CLTCL1: variants seen among roughly 807,000 people sequenced by gnomAD.
CLTCL1 encodes the protein clathrin heavy chain like 1, also known as clathrin heavy chain 2.
In CLTCL1, 159 loss-of-function variants were observed where a neutral mutation model predicts 190.0. The ratio of observed to expected loss-of-function variants is 0.84; its 90% confidence interval spans 0.74 to 0.95. The LOEUF (loss-of-function observed/expected upper bound fraction) is 0.95, where lower values mean the gene tolerates loss of function less well. Ranked by LOEUF, CLTCL1 falls within the 40% of genes least tolerant of loss-of-function variation. CLTCL1 has a pLI of 0.00. For missense variants in CLTCL1, 1,878 were observed against 2,033.4 expected (o/e 0.92, Z 1.47); for synonymous variants, 752 against 769.6 (o/e 0.98, Z 0.38).
intron 22 of CLTCL1, among the ~76,000 whole-genome samples, chr22:19,202,196 T>G (rs2854643): frequency 6.6e-6 from 1 of 151,822 alleles, no homozygotes; most frequent in Non-Finnish European, 1.5e-5. Flanking sequence ...TGGCATTCAC[T>G]CTTGACTCTC....
intron 22 of CLTCL1, among the ~76,000 whole-genome samples, chr22:19,202,053 A>G (rs1288083161): frequency 6.6e-6 from 1 of 152,016 alleles, no homozygotes; most frequent in Non-Finnish European, 1.5e-5. Flanking sequence ...TACTCTGCCT[A>G]GCACTGCCCA....
At chr22:19,187,531 G>C (rs1228706585) in intron 29 of CLTCL1, 27 bp downstream of exon 29, 2 of 1,594,932 alleles carry the variant, frequency 1.3e-6, no homozygotes, top group African/African-American at 2.7e-5. Flanking sequence ...GCAGGAAGGT[G>C]GGAGGAAACG....
intron 2 of CLTCL1, among the ~76,000 whole-genome samples, chr22:19,269,471 A>G (rs1260933327): frequency 1.3e-5 from 2 of 152,244 alleles, no homozygotes; most frequent in African/African-American, 4.8e-5. Context: ...AAATGAAAAT[A>G]TATGTCCACA....
chr22:19,222,912 T>A, intron 14 of CLTCL1, 103 bp from the exon 15 acceptor site: 3 of 1,396,894 alleles, frequency 2.1e-6, no homozygotes, highest in Non-Finnish European at 2.9e-6. Flanking sequence ...TGCAGCAGAG[T>A]GACACACAGG....
At chr22:19,244,790 T>C (rs1007034463) in intron 3 of CLTCL1, among the ~76,000 whole-genome samples, 1 of 152,226 alleles carries the variant, frequency 6.6e-6, no homozygotes, top group Admixed American at 6.5e-5. Flanking sequence ...GAGTGTTAAG[T>C]GTGTCAAATT....
intron 11 of CLTCL1, 25 bp downstream of exon 11, chr22:19,229,813 C>T (rs782372136): frequency 7.0e-6 from 11 of 1,576,666 alleles, no homozygotes; most frequent in African/African-American, 6.9e-5. Context: ...CTCTGCCTCT[C>T]GGTGTTAGCC....
chr22:19,235,982 T>G, intron 5 of CLTCL1, 113 bp from the exon 6 acceptor site: 19 of 950,998 alleles, frequency 2.0e-5, no homozygotes, highest in Non-Finnish European at 2.6e-5. Flanking sequence ...TTTTTTGAGA[T>G]AGGGTCGTGC....
intron 1 of CLTCL1, among the ~76,000 whole-genome samples, chr22:19,282,222 G>A (rs528183535): frequency 2.6e-5 from 4 of 151,208 alleles, no homozygotes; most frequent in East Asian, 2.0e-4. Flanking sequence ...TCAGCTACTC[G>A]GGAGGCTGAG....
At position 19,225,541 on chromosome 22, in the gene CLTCL1, C is replaced by T. The variant is rs1555955358; in HGVS notation, c.2040G>A (p.Gln680=). The T allele has an allele frequency of 1.1e-5, 18 of 1,587,862 alleles. No homozygotes were observed. The highest frequency in any genetic ancestry group is 7.1e-5 in the Admixed American group (4 of 56,176). The part of the protein sequence containing the change: ...MLSANIRQNL[Q]LCVQVASKYH... ...ACTTAGAGGCCACCTGCACACACAG[C>T]TGAAGGTTCTGTCTGATGTTAGCAG... Residue 680 remains glutamine, a synonymous_variant, in exon 13 of 33, where the codon CAG becomes CAA. Transcript: ENST00000427926.
At chr22:19,234,457 A>C in intron 7 of CLTCL1, 52 bp downstream of exon 7, 5 of 1,438,772 alleles carry the variant, frequency 3.5e-6, no homozygotes, top group Non-Finnish European at 4.7e-6. Context: ...TTTTCCTCTC[A>C]AGGTTGGTTC....
At position 19,273,996 on chromosome 22, in the gene CLTCL1, T is replaced by TCCACA. The variant is rs2087411988; in HGVS notation, c.250+1622_250+1626dup. ...TATTGCGTTCTCTTTACTCCCCGAC[T>TCCACA]CCACACCACAACACACACACACACA... On this transcript the variant is annotated intron_variant, in intron 2 of 32. Transcript: ENST00000427926. Among the ~76,000 whole-genome samples, 3 of 151,832 alleles carry TCCACA rather than the reference T, an allele frequency of 2.0e-5. No homozygotes were observed. The South Asian group carries it at 6.3e-4, about 32-fold the overall frequency.
intron 2 of CLTCL1, among the ~76,000 whole-genome samples, chr22:19,271,704 C>T (rs550389967): frequency 6.6e-6 from 1 of 152,250 alleles, no homozygotes; most frequent in Admixed American, 6.5e-5. Context: ...ATAAAATTGA[C>T]AATATCACAC....
chr22:19,201,283 G>A (rs781843273), intron 23 of CLTCL1, 46 bp downstream of exon 23: 72 of 1,563,446 alleles, frequency 4.6e-5, no homozygotes, highest in Middle Eastern at 4.5e-4. Flanking sequence ...CACGGAGAGC[G>A]TGCCTGTCCA....
chr22:19,233,077 A>G lies in CLTCL1; in HGVS notation c.1521+89T>C. 5.7e-6 allele frequency: 8 copies of G among 1,401,690 alleles called. No individual in the cohort carries two copies. The South Asian group carries it at 1.1e-4, about 19-fold the overall frequency. 86.8% of individuals were successfully genotyped at this position (1,401,690 alleles called of 1,614,324 possible). Reference sequence around the variant, plus strand: ...CAACTCTCACACCAGAGGACTTACAAAGAAGGGTATTTTATAAACTTTAAA... The same window carrying G: ...CAACTCTCACACCAGAGGACTTACAGAGAAGGGTATTTTATAAACTTTAAA... On this transcript the variant is annotated intron_variant, in intron 9 of 32. Transcript: ENST00000427926.
intron 1 of CLTCL1, among the ~76,000 whole-genome samples, chr22:19,276,972 G>A (rs905737009): frequency 6.6e-6 from 1 of 151,988 alleles, no homozygotes; most frequent in African/African-American, 2.4e-5. Context: ...GCGTCTGGTC[G>A]ACACCTTTAT....
At chr22:19,223,584 G>C (rs1555953864) in intron 14 of CLTCL1, among the ~76,000 whole-genome samples, 1 of 152,186 alleles carries the variant, frequency 6.6e-6, no homozygotes, top group African/African-American at 2.4e-5. Context: ...CTAGTGCTGA[G>C]TGGTCTACTT....
In CLTCL1 at chr22:19,289,777, G is replaced by C. The variant is rs782683787; in HGVS notation, c.42+1823C>G. 8.5e-5 allele frequency among the ~76,000 whole-genome samples: 13 copies of C among 152,170 alleles called. No individual in the cohort carries two copies. In the South Asian group the frequency reaches 2.3e-3, roughly 27 times the overall value. On this transcript the variant is annotated intron_variant, in intron 1 of 32. Transcript: ENST00000427926. Reference sequence around the variant, plus strand: ...AAGGACACCTACTTTTGAGGTAACAGGAAGGCAGGAAAGGGTGGCTGCAGA... The same window carrying C: ...AAGGACACCTACTTTTGAGGTAACACGAAGGCAGGAAAGGGTGGCTGCAGA...
Position 19,196,352 on chromosome 22 carries a change from C to T in CLTCL1, c.4105G>A (p.Glu1369Lys), listed in dbSNP as rs568202121. The T allele has an allele frequency of 5.0e-6, 8 of 1,613,930 alleles. No homozygotes were observed. The African/African-American group carries it at 6.7e-5, about 13-fold the overall frequency. The change falls in exon 26 of 33, where the codon GAG becomes AAG. Residue 1369 changes from glutamate to lysine, a missense_variant. Physicochemically the swap from Glu to Lys is moderately conservative, Grantham distance 56. Coordinates refer to ENST00000427926, the MANE Select transcript of CLTCL1 (RefSeq NM_007098.4). ...GTGAGCACAGCATTGTCATACTCCT[C>T]GTACTTGTCATAGAGGAACACCAGC... ...AELVFLYDKYEEYDNAVLTMM... is the reference protein window; with the variant it reads ...AELVFLYDKYKEYDNAVLTMM...
At chr22:19,187,282 C>T (rs533113053) in intron 29 of CLTCL1, among the ~76,000 whole-genome samples, 1 of 152,286 alleles carries the variant, frequency 6.6e-6, no homozygotes, top group East Asian at 1.9e-4. Context: ...TAGAGTGAAA[C>T]TCACACAAAA....
Sources: allele counts gnomAD v4.1 joint callset (sites outside exome capture counted in the v4.1 genomes callset), GRCh38; gene constraint gnomAD v4.1.1; transcripts MANE v1.5; gene names NCBI Gene and HGNC (gene_info 2026-07-23, HGNC 2026-07-21).